KIRREL3: variants seen among roughly 807,000 people sequenced by gnomAD.
The protein encoded by KIRREL3 is kirre like nephrin family adhesion molecule 3.
Under a neutral mutation model 89.7 loss-of-function variants are expected in KIRREL3, and 36 were observed. That is an observed-to-expected ratio of 0.40 (90% CI 0.31 to 0.53). The LOEUF is 0.53. Among genes scored for constraint, KIRREL3 ranks in the 20% least tolerant of loss-of-function variants. The pLI, the probability that KIRREL3 is intolerant of heterozygous loss-of-function variation, is 0.49. For missense variants in KIRREL3, 864 were observed against 1,056.6 expected (o/e 0.82, Z 2.53); for synonymous variants, 445 against 441.4 (o/e 1.01, Z -0.10).
chr11:126,721,729 C>T (rs570498352), intron 1 of KIRREL3, among the ~76,000 whole-genome samples: 22 of 152,072 alleles, frequency 1.4e-4, no homozygotes, highest in South Asian at 2.1e-4. Context: ...CCCATAACTG[C>T]GCTCTCCCCT....
chr11:126,723,255 G>C lies in KIRREL3; in HGVS notation c.56-160343C>G, dbSNP rs772633631. 9.2e-5 allele frequency among the ~76,000 whole-genome samples: 14 copies of C among 152,154 alleles called. No homozygotes were observed. The highest frequency in any genetic ancestry group is 3.4e-4 in the African/African-American group (14 of 41,436). On this transcript the variant is annotated intron_variant, in intron 1 of 16. Transcript: ENST00000525144. This position sits in a 1 kb window ranked among gnomAD's most constrained non-coding sequence, Gnocchi z 4.0. ...AAACCTCCACAGCCCTCCTAGCAGA[G>C]ACAGACACACTTTTAGTAGGGGCTA...
intron 1 of KIRREL3, among the ~76,000 whole-genome samples, chr11:126,735,017 G>A (rs1211968862): frequency 6.6e-6 from 1 of 152,266 alleles, no homozygotes; most frequent in East Asian, 1.9e-4. Context: ...GGCTCATAAC[G>A]GGGCGTTTAC....
rs916685385 is a variant in KIRREL3, at chr11:126,946,962, G to A, written c.55+53493C>T. 2.0e-5 allele frequency among the ~76,000 whole-genome samples: 3 copies of A among 152,160 alleles called. No individual in the cohort carries two copies. Among genetic ancestry groups the A allele is most frequent in the Admixed American group, 6.5e-5 (1 of 15,276 alleles). ...GGTTAAATAACTTCCTAGGCACACT[G>A]CTTGCAAATGGCAGAAAGAACCAGA... On this transcript the variant is annotated intron_variant, in intron 1 of 16. Coordinates refer to ENST00000525144, the MANE Select transcript of KIRREL3 (RefSeq NM_032531.4). This position sits in a 1 kb window ranked among gnomAD's most constrained non-coding sequence, Gnocchi z 4.1.
chr11:126,998,140 T>C (rs1346825293), intron 1 of KIRREL3, among the ~76,000 whole-genome samples: 2 of 152,062 alleles, frequency 1.3e-5, no homozygotes, highest in African/African-American at 4.8e-5. Flanking sequence ...TGGGTAGAGG[T>C]GGGGCACAGT....
chr11:126,854,797 A>T (rs140363470), intron 1 of KIRREL3, among the ~76,000 whole-genome samples: 2 of 152,314 alleles, frequency 1.3e-5, no homozygotes, highest in East Asian at 3.9e-4. Flanking sequence ...AGGAACCTCC[A>T]TATTGTTTTC....
rs1260059255 is a variant in KIRREL3 at position 126,977,991 on chromosome 11, C to T, written c.55+22464G>A. On this transcript the variant is annotated intron_variant, in intron 1 of 16. Transcript: ENST00000525144. This position sits in a 1 kb window ranked among gnomAD's most constrained non-coding sequence, Gnocchi z 4.7. The stretch of plus-strand genomic sequence containing the variant: ...TCTGGGCACGACATGTCCCACTCTC[C>T]ATTGAGTGGATTTCTGTAGTACGAC... 6.6e-6 allele frequency among the ~76,000 whole-genome samples: 1 copy of T among 152,154 alleles called. No homozygotes were observed. Among genetic ancestry groups the T allele is most frequent in the Non-Finnish European group, 1.5e-5 (1 of 68,024 alleles).
rs1341222030 is a variant in KIRREL3 at position 126,830,605 on chromosome 11, C to T, written c.55+169850G>A. On this transcript the variant is annotated intron_variant, in intron 1 of 16. Coordinates refer to ENST00000525144, the MANE Select transcript of KIRREL3 (RefSeq NM_032531.4). This position sits in a 1 kb window ranked among gnomAD's most constrained non-coding sequence, Gnocchi z 4.9. ...ATCTCTTAGTGTTTCGATTTTAGAG[C>T]GGCTGTTAAGAGCCAGCTAAGCAGG... is the stretch of plus-strand genomic sequence containing the variant. Among the ~76,000 whole-genome samples the T allele has an allele frequency of 4.6e-5, 7 of 152,134 alleles. No individual in the cohort carries two copies. Among genetic ancestry groups the T allele is most frequent in the Middle Eastern group, 3.2e-3 (1 of 316 alleles).
At chr11:126,938,557 AT>A (rs1948302424) in intron 1 of KIRREL3, among the ~76,000 whole-genome samples, 1 of 152,226 alleles carries the variant, frequency 6.6e-6, no homozygotes, top group African/African-American at 2.4e-5. Context: ...ACTTCCTAGG[AT>A]TAGGCAACCA....
intron 1 of KIRREL3, among the ~76,000 whole-genome samples, chr11:126,700,478 G>A (rs1947272026): frequency 6.6e-6 from 1 of 152,196 alleles, no homozygotes; most frequent in Admixed American, 6.5e-5. Context: ...TGGTGCAAAA[G>A]CAATTGAGGT....
chr11:126,576,448 A>G lies in KIRREL3; in HGVS notation c.56-13536T>C, dbSNP rs1941259939. Reference sequence around the variant, plus strand: ...GGATATTGTGATGAACAAGACAGAGAAGAATTTTTGCCTTCCCAAGCTTCC... The same window carrying G: ...GGATATTGTGATGAACAAGACAGAGGAGAATTTTTGCCTTCCCAAGCTTCC... On this transcript the variant is annotated intron_variant, in intron 1 of 16. Coordinates refer to ENST00000525144, the MANE Select transcript of KIRREL3 (RefSeq NM_032531.4). The surrounding 1 kb of genome is among the most constrained non-coding windows in gnomAD (Gnocchi z 5.4). Among the ~76,000 whole-genome samples the G allele has an allele frequency of 1.3e-5, 2 of 152,208 alleles. No homozygotes were observed. The highest frequency in any genetic ancestry group is 4.1e-4 in the South Asian group (2 of 4,828).
rs1419614525 is a variant in KIRREL3, at chr11:126,645,358, C to G, written c.56-82446G>C. Among the ~76,000 whole-genome samples, 1 of 152,160 alleles carries G rather than the reference C, an allele frequency of 6.6e-6. No individual in the cohort carries two copies. Among genetic ancestry groups the G allele is most frequent in the Non-Finnish European group, 1.5e-5 (1 of 68,030 alleles). On this transcript the variant is annotated intron_variant, in intron 1 of 16. Transcript: ENST00000525144. This position sits in a 1 kb window ranked among gnomAD's most constrained non-coding sequence, Gnocchi z 4.9. ...AATACTTCTCTCCCAGAGCATTTAC[C>G]ACACGGTGCTGCTGGTATGCCAGCC...
intron 7 of KIRREL3, among the ~76,000 whole-genome samples, chr11:126,450,402 A>G (rs559553732): frequency 1.8e-5 from 2 of 110,226 alleles, no homozygotes; most frequent in African/African-American, 7.4e-5. Context: ...GGTATGTGTG[A>G]GTGTGTGCAT....
At position 126,424,567 on chromosome 11, in the gene KIRREL3, C is replaced by T. The variant is rs79076094; in HGVS notation, c.*13G>A. The T allele has an allele frequency of 6.5e-4, 1,052 of 1,612,330 alleles. 8 individuals carry two copies. In the African/African-American group the frequency reaches 0.012, roughly 18 times the overall value. On this transcript the variant is annotated 3_prime_UTR_variant, in exon 17 of 17. Coordinates refer to ENST00000525144, the MANE Select transcript of KIRREL3 (RefSeq NM_032531.4). ...CTCTTCCCTGGCCCGTCCCCACCCG[C>T]GGTGTGTGATCCTTAGACGTGAGTC...
intron 1 of KIRREL3, among the ~76,000 whole-genome samples, chr11:126,980,305 G>C (rs1327994750): frequency 6.6e-6 from 1 of 152,220 alleles, no homozygotes; most frequent in African/African-American, 2.4e-5. Context: ...TGGAAAGAGA[G>C]ATGGTGCCAG....
At chr11:126,451,901 G>C (rs1482870086) in intron 7 of KIRREL3, among the ~76,000 whole-genome samples, 1 of 152,084 alleles carries the variant, frequency 6.6e-6, no homozygotes, top group Non-Finnish European at 1.5e-5. Flanking sequence ...AGCTGCAGAG[G>C]CTTGTTGCCT....
chr11:126,747,122 T>C lies in KIRREL3; in HGVS notation c.56-184210A>G, dbSNP rs1386983262. On this transcript the variant is annotated intron_variant, in intron 1 of 16. Coordinates refer to ENST00000525144, the MANE Select transcript of KIRREL3 (RefSeq NM_032531.4). This position sits in a 1 kb window ranked among gnomAD's most constrained non-coding sequence, Gnocchi z 4.7. ...AAAATGACTGGAATCGCCTCAGCTGTGTAGCTAACTTGTTTTCCTTCCCCA... is the reference window on the plus strand; with the variant it reads ...AAAATGACTGGAATCGCCTCAGCTGCGTAGCTAACTTGTTTTCCTTCCCCA... Among the ~76,000 whole-genome samples, 2 of 152,200 alleles carry C rather than the reference T, an allele frequency of 1.3e-5. No individual in the cohort carries two copies. Among genetic ancestry groups the C allele is most frequent in the Non-Finnish European group, 1.5e-5 (1 of 68,024 alleles).
rs140754377 is a variant in KIRREL3, at chr11:126,608,902, C to T, written c.56-45990G>A. On this transcript the variant is annotated intron_variant, in intron 1 of 16. Coordinates refer to ENST00000525144, the MANE Select transcript of KIRREL3 (RefSeq NM_032531.4). This position sits in a 1 kb window ranked among gnomAD's most constrained non-coding sequence, Gnocchi z 4.9. ...GAGGGGAGGGGATGGAGAAGCAGCT[C>T]TGGAGCCCAGCTTGCTGTTAGCCCT... Among the ~76,000 whole-genome samples, 11 of 152,314 alleles carry T rather than the reference C, an allele frequency of 7.2e-5. No individual in the cohort carries two copies. Among genetic ancestry groups the T allele is most frequent in the African/African-American group, 2.2e-4 (9 of 41,566 alleles).
Position 126,775,372 on chromosome 11 carries a change from C to T in KIRREL3, c.56-212460G>A, listed in dbSNP as rs576930827. ...ATTTTTCCTGCCAGGATGGACACTT[C>T]CAATAAAGCAAATTTTGCGGAGGAG... On this transcript the variant is annotated intron_variant, in intron 1 of 16. Transcript: ENST00000525144. Among the ~76,000 whole-genome samples, 6 of 152,322 alleles carry T rather than the reference C, an allele frequency of 3.9e-5. No homozygotes were observed. In the South Asian group the frequency reaches 1.2e-3, roughly 32 times the overall value.
intron 2 of KIRREL3, among the ~76,000 whole-genome samples, chr11:126,546,397 C>G (rs774707630): frequency 9.9e-5 from 15 of 152,226 alleles, no homozygotes; most frequent in Non-Finnish European, 2.1e-4. Flanking sequence ...CCAGTCCACC[C>G]TGGACAGCTC....
Sources: allele counts gnomAD v4.1 joint callset (sites outside exome capture counted in the v4.1 genomes callset), GRCh38; gene constraint gnomAD v4.1.1; non-coding constraint Gnocchi (gnomAD v3.1); transcripts MANE v1.5; gene names NCBI Gene and HGNC (gene_info 2026-07-23, HGNC 2026-07-21).